Variants in PCDHA4 observed in about 807,000 individuals in gnomAD.
PCDHA4 encodes protocadherin alpha-4.
PCDHA4 carries 49 observed loss-of-function variants against 61.4 expected under a neutral mutation model. The observed-to-expected ratio is 0.80, with a 90% confidence interval of 0.63 to 1.01. The LOEUF (loss-of-function observed/expected upper bound fraction) is 1.01. PCDHA4 is among the 50% of genes least tolerant of loss of function. The pLI is 0.00. For synonymous variants in PCDHA4, 590 were observed against 550.3 expected (o/e 1.07, Z -1.01); for missense variants, 1,254 against 1,235.8 (o/e 1.01, Z -0.22).
intron 3 of PCDHA4, among the ~76,000 whole-genome samples, chr5:140,998,830 C>G (rs1385890461): frequency 6.6e-6 from 1 of 152,200 alleles, no homozygotes; most frequent in African/African-American, 2.4e-5. Flanking sequence ...TCCCAAAGTG[C>G]TGGATTACTG....
intron 1 of PCDHA4, among the ~76,000 whole-genome samples, chr5:140,925,899 G>A (rs149135478): frequency 2.0e-5 from 3 of 151,846 alleles, no homozygotes; most frequent in African/African-American, 7.3e-5. Context: ...CACCCAGATC[G>A]TCAAGGGCCG....
chr5:140,897,037 AC>A (rs1300892291), intron 1 of PCDHA4, among the ~76,000 whole-genome samples: 1 of 152,074 alleles, frequency 6.6e-6, no homozygotes, highest in Non-Finnish European at 1.5e-5. Flanking sequence ...GACCATAGTC[AC>A]CCTATTCTGC....
At position 140,856,636 on chromosome 5, in the gene PCDHA4, G is replaced by A. The variant is rs368149411; in HGVS notation, c.2385+47064G>A. 231 of 1,598,104 alleles carry A rather than the reference G, an allele frequency of 1.4e-4. 24 individuals are homozygous for A. The highest frequency in any genetic ancestry group is 1.6e-4 in the Non-Finnish European group (182 of 1,167,716). The stretch of plus-strand genomic sequence containing the variant: ...ACAAATTCCCAGTGCTTGTTCTGCG[G>A]AAGCTGCTGGATCGTGAAGAAAATC... On this transcript the variant is annotated intron_variant, in intron 1 of 3. Coordinates refer to ENST00000530339, the MANE Select transcript of PCDHA4 (RefSeq NM_018907.4).
rs1769592683 is a variant in PCDHA4 at position 140,828,186 on chromosome 5, A to G, written c.2385+18614A>G. 3.1e-6 allele frequency: 5 copies of G among 1,614,002 alleles called. No individual in the cohort carries two copies. In the South Asian group the frequency reaches 3.3e-5, roughly 11 times the overall value. On this transcript the variant is annotated intron_variant, in intron 1 of 3. Coordinates refer to ENST00000530339, the MANE Select transcript of PCDHA4 (RefSeq NM_018907.4). ...TGGAAGGTGGGGAGCGGCCAGCTCC[A>G]CTACTCCGTACCCGAGGAGGCCAAA... is the stretch of plus-strand genomic sequence containing the variant.
intron 1 of PCDHA4, chr5:140,875,216 A>G: frequency 1.4e-6 from 1 of 717,612 alleles, no homozygotes. Flanking sequence ...ACCGAAAAGA[A>G]CCTCAGGATC....
chr5:140,996,164 T>C (rs934521653), intron 3 of PCDHA4, among the ~76,000 whole-genome samples: 2 of 152,246 alleles, frequency 1.3e-5, no homozygotes, highest in African/African-American at 4.8e-5. Context: ...TATACTGCAA[T>C]GTGCTGACAG....
intron 1 of PCDHA4, among the ~76,000 whole-genome samples, chr5:140,890,818 A>G (rs1170693390): frequency 1.3e-5 from 2 of 152,204 alleles, no homozygotes; most frequent in African/African-American, 4.8e-5. Flanking sequence ...ATTGTTTTAA[A>G]TGTACTTACA....
chr5:140,822,315 T>TGTTAAAAC (rs1562263935), intron 1 of PCDHA4: 1 of 1,614,082 alleles, frequency 6.2e-7, no homozygotes, highest in Admixed American at 1.7e-5. Context: ...TTGACTTAGA[T>TGTTAAAAC]GTTAAAACAA....
intron 1 of PCDHA4, chr5:140,928,403 G>A (rs1554205862): frequency 6.2e-7 from 1 of 1,613,964 alleles, no homozygotes; most frequent in Non-Finnish European, 8.5e-7. Context: ...GAATCATCCA[G>A]TGGGGCCATC....
Position 140,962,028 on chromosome 5 carries a change from C to A in PCDHA4, c.2386-16921C>A, listed in dbSNP as rs1046578713. Among the ~76,000 whole-genome samples the A allele has an allele frequency of 5.9e-5, 9 of 152,036 alleles. No individual in the cohort carries two copies. In the South Asian group the frequency reaches 1.7e-3, roughly 28 times the overall value. The stretch of plus-strand genomic sequence containing the variant: ...CTTCCCGAGTAGCTGGGACTACAGG[C>A]ACCCACCACCATGCCTGGCTAATTT... On this transcript the variant is annotated intron_variant, in intron 1 of 3. Transcript: ENST00000530339.
intron 1 of PCDHA4, among the ~76,000 whole-genome samples, chr5:140,878,613 C>T (rs1413546987): frequency 1.3e-5 from 2 of 152,184 alleles, no homozygotes; most frequent in Admixed American, 6.5e-5. Context: ...TTCTAATGTG[C>T]ATTTTACATA....
rs2150499938 is a variant in PCDHA4 at position 140,850,836 on chromosome 5, G to A, written c.2385+41264G>A. ...CAGCCCGGGCCTTTCTCCTTGTGCT[G>A]GATCTACAGAGCGAACGGGAGAACC... is the stretch of plus-strand genomic sequence containing the variant. On this transcript the variant is annotated intron_variant, in intron 1 of 3. Coordinates refer to ENST00000530339, the MANE Select transcript of PCDHA4 (RefSeq NM_018907.4). The A allele has an allele frequency of 1.2e-5, 19 of 1,597,640 alleles. 1 individual carries two copies. Among genetic ancestry groups the A allele is most frequent in the South Asian group, 3.3e-5 (3 of 90,540 alleles).
intron 1 of PCDHA4, chr5:140,927,135 G>T: frequency 6.2e-7 from 1 of 1,614,062 alleles, no homozygotes; most frequent in Non-Finnish European, 8.5e-7. Flanking sequence ...GAGAGCCGGC[G>T]GACCGCGAAC....
At chr5:140,961,176 C>A (rs782677581) in intron 1 of PCDHA4, among the ~76,000 whole-genome samples, 16 of 152,182 alleles carry the variant, frequency 1.1e-4, no homozygotes, top group Admixed American at 2.0e-4. Context: ...ACCTTATGTA[C>A]TCCTCACAGG....
At chr5:140,836,620 G>C (rs2150265891) in intron 1 of PCDHA4, 4 of 1,613,468 alleles carry the variant, frequency 2.5e-6, no homozygotes, top group Non-Finnish European at 3.4e-6. Context: ...AGCGCGGTGG[G>C]GAGCTGGTCA....
intron 1 of PCDHA4, among the ~76,000 whole-genome samples, chr5:140,885,964 G>A (rs1326363408): frequency 6.6e-6 from 1 of 151,886 alleles, no homozygotes; most frequent in Non-Finnish European, 1.5e-5. Flanking sequence ...TTTTTATTTT[G>A]AGATAATTAT....
At chr5:140,993,460 TCTCACACACACACA>T (rs1441171729) in intron 3 of PCDHA4, among the ~76,000 whole-genome samples, 1 of 104,506 alleles carries the variant, frequency 9.6e-6, no homozygotes, top group Non-Finnish European at 1.9e-5. Flanking sequence ...CTTCTTTCTT[TCTCACACACACACA>T]CACACACACA....
At chr5:140,830,195 A>G (rs2150182609) in intron 1 of PCDHA4, 2 of 1,613,696 alleles carry the variant, frequency 1.2e-6, no homozygotes, top group Non-Finnish European at 1.7e-6. Flanking sequence ...GTACCTGATC[A>G]TCGCCATCTG....
At chr5:140,989,744 T>C (rs1354218140) in intron 3 of PCDHA4, among the ~76,000 whole-genome samples, 1 of 152,200 alleles carries the variant, frequency 6.6e-6, no homozygotes, top group Non-Finnish European at 1.5e-5. Context: ...CATTGCCTAA[T>C]CTGGAGAAAC....
Sources: gnomAD v4.1 joint callset for allele counts (sites outside exome capture counted in the v4.1 genomes callset) on GRCh38, gnomAD v4.1.1 for gene constraint, MANE v1.5 for transcripts, NCBI Gene and HGNC (gene_info 2026-07-23, HGNC 2026-07-21) for gene names.